TMEM67: variants seen among roughly 807,000 people sequenced by gnomAD.
The protein encoded by TMEM67 is meckelin.
Under a neutral mutation model 136.6 loss-of-function variants are expected in TMEM67, and 124 were observed. The observed-to-expected ratio is 0.91, with a 90% CI of 0.78 to 1.05. TMEM67 has a LOEUF of 1.05. Ranked by LOEUF, TMEM67 falls within the 50% of genes least tolerant of loss-of-function variation. The probability of loss-of-function intolerance (pLI) is 0.00; values close to 1 mark genes in which losing one functional copy is unlikely to be tolerated. For missense variants in TMEM67, 1,107 were observed against 1,178.4 expected, an observed-to-expected ratio of 0.94 and a Z score of 0.89; for synonymous variants, 364 against 390.5, an observed-to-expected ratio of 0.93 and a Z score of 0.80.
chr8:93,803,535 A>T, intron 21 of TMEM67, 69 bp from the exon 22 acceptor site: 1 of 1,018,186 alleles, frequency 9.8e-7, no homozygotes, highest in Non-Finnish European at 1.6e-6. Flanking sequence ...TTAAGATGCT[A>T]CACTGTGGCT....
intron 2 of TMEM67, chr8:93,757,213 G>A (rs1407619611): frequency 6.6e-6 from 1 of 152,032 alleles, no homozygotes; most frequent in Non-Finnish European, 1.5e-5. Flanking sequence ...AAAATAATTT[G>A]TGGCATTATT....
Position 93,795,920 on chromosome 8 carries a change from T to C in TMEM67, c.1793T>C (p.Val598Ala). 6.2e-7 allele frequency: 1 copy of C among 1,610,162 alleles called. No homozygotes were observed. ...IFFKAQKSVS[V>A]LLPMPIQEER... ...TTATAGGCACAGAAGTCTGTGTCTG[T>C]TTTGCTGCCAATGCCAATTCAGGAA... The change falls in exon 18 of 28, where the codon GTT becomes GCT. Residue 598 changes from valine (V) to alanine (A), a missense_variant. Around this residue, in one of 3 missense-constraint regions of TMEM67, gnomAD observed 925 missense variants for 1,002.4 expected, o/e 0.92. Transcript: ENST00000453321.
chr8:93,802,773 GTATGT>G (rs1814923448), intron 21 of TMEM67, among the ~76,000 whole-genome samples: 1 of 152,156 alleles, frequency 6.6e-6, no homozygotes, highest in African/African-American at 2.4e-5. Flanking sequence ...TGTATATAGA[GTATGT>G]AGGAAAACAT....
intron 26 of TMEM67, among the ~76,000 whole-genome samples, chr8:93,814,427 T>C (rs1226665371): frequency 1.3e-5 from 2 of 150,416 alleles, no homozygotes; most frequent in East Asian, 1.9e-4. Flanking sequence ...TTTTTTTTTT[T>C]CCTAATGGAA....
intron 10 of TMEM67, among the ~76,000 whole-genome samples, chr8:93,781,958 A>C (rs890912211): frequency 6.7e-6 from 1 of 150,228 alleles, no homozygotes; most frequent in Non-Finnish European, 1.5e-5. Context: ...TCGCTTTCTT[A>C]ACCAGGCTGG....
chr8:93,758,344 A>G (rs1586336068), intron 2 of TMEM67, 139 bp from the exon 3 acceptor site: 1 of 640,686 alleles, frequency 1.6e-6, no homozygotes, highest in Non-Finnish European at 2.7e-6. Flanking sequence ...TCTCCAGGGA[A>G]TTTTTATGTG....
intron 11 of TMEM67, among the ~76,000 whole-genome samples, chr8:93,783,251 G>T (rs1277092935): frequency 6.6e-6 from 1 of 152,188 alleles, no homozygotes; most frequent in African/African-American, 2.4e-5. Context: ...CTCCCAAAGT[G>T]CTGGGATTAC....
At chr8:93,771,324 CT>C (rs1435603770) in intron 6 of TMEM67, among the ~76,000 whole-genome samples, 2 of 151,242 alleles carry the variant, frequency 1.3e-5, no homozygotes, top group Non-Finnish European at 1.5e-5. Context: ...AATCTGTTAA[CT>C]TTTTTTATTC....
Position 93,816,551 on chromosome 8 carries a change from G to GACTA in TMEM67, c.*100_*103dup. The GACTA allele has an allele frequency of 1.6e-6, 1 of 629,844 alleles. No homozygotes were observed. The highest frequency in any genetic ancestry group is 2.9e-6 in the Non-Finnish European group (1 of 348,050). The allele number at this position is 629,844 out of a possible 1,614,324, so 39.0% of individuals were successfully genotyped here. A position where few individuals can be genotyped will look rare whatever the true frequency, so the allele number is the denominator to read the frequency against. On this transcript the variant is annotated 3_prime_UTR_variant, in exon 28 of 28. Coordinates refer to ENST00000453321, the MANE Select transcript of TMEM67 (RefSeq NM_153704.6). ...CATATTTTTTAAAACTTATAATGCA[G>GACTA]ACTATTCTGTTTTTGTTTTTTATTT... is the stretch of plus-strand genomic sequence containing the variant.
chr8:93,777,955 T>A (rs1420702470), intron 7 of TMEM67, among the ~76,000 whole-genome samples: 1 of 152,190 alleles, frequency 6.6e-6, no homozygotes, highest in Non-Finnish European at 1.5e-5. Flanking sequence ...CAGTGGGGTG[T>A]TAAAGTCTCC....
chr8:93,772,536 T>C, intron 6 of TMEM67, 53 bp from the exon 7 acceptor site: 1 of 1,260,892 alleles, frequency 7.9e-7, no homozygotes, highest in South Asian at 1.2e-5. Flanking sequence ...TTCAACAATA[T>C]GCATATTGGA....
chr8:93,788,033 CTTTTTTT>C, intron 14 of TMEM67, 84 bp downstream of exon 14: 1 of 777,230 alleles, frequency 1.3e-6, no homozygotes, highest in African/African-American at 1.9e-5. Flanking sequence ...AAAAGACAGT[CTTTTTTT>C]TTTTTTTAAG....
In TMEM67 at chr8:93,797,625, G is replaced by A. The variant is rs145816045; in HGVS notation, c.2100+155G>A. ...TTAAAAAGGAGTACCTTTATGTTAC[G>A]TATTTTACCACAATTCTTTTTTTAA... is the stretch of plus-strand genomic sequence containing the variant. On this transcript the variant is annotated intron_variant, in intron 20 of 27. Coordinates refer to ENST00000453321, the MANE Select transcript of TMEM67 (RefSeq NM_153704.6). 6.5e-4 allele frequency among the ~76,000 whole-genome samples: 99 copies of A among 152,264 alleles called. 1 individual carries two copies. In the East Asian group the frequency reaches 0.012, roughly 19 times the overall value.
At chr8:93,762,343 T>C (rs1812881833) in intron 3 of TMEM67, among the ~76,000 whole-genome samples, 2 of 151,098 alleles carry the variant, frequency 1.3e-5, no homozygotes, top group African/African-American at 4.9e-5. Flanking sequence ...TCTTTACCTT[T>C]TTTTTTTTTT....
intron 15 of TMEM67, among the ~76,000 whole-genome samples, 197 bp from the exon 16 acceptor site, chr8:93,793,001 G>A (rs191426904): frequency 5.3e-5 from 8 of 151,610 alleles, no homozygotes; most frequent in Non-Finnish European, 1.0e-4. Flanking sequence ...TTGATCTCCT[G>A]ACCTCATGAT....
chr8:93,781,954 T>A (rs1016156768), intron 10 of TMEM67, among the ~76,000 whole-genome samples: 1 of 152,118 alleles, frequency 6.6e-6, no homozygotes, highest in Admixed American at 6.5e-5. Context: ...AGTCTCGCTT[T>A]CTTAACCAGG....
Position 93,776,197 on chromosome 8 carries a change from T to C in TMEM67, c.714+3546T>C, listed in dbSNP as rs368935372. On this transcript the variant is annotated intron_variant, in intron 7 of 27. Coordinates refer to ENST00000453321, the MANE Select transcript of TMEM67 (RefSeq NM_153704.6). ...AGGAATGCTTGTGATTTTTGCACAT[T>C]GATTTTGTATCCTAAGACTGCTGAA... 3.9e-5 allele frequency among the ~76,000 whole-genome samples: 6 copies of C among 152,232 alleles called. No individual in the cohort carries two copies. In the East Asian group the frequency reaches 1.2e-3, roughly 29 times the overall value.
At chr8:93,812,683 C>G (rs1808747777) in intron 26 of TMEM67, among the ~76,000 whole-genome samples, 1 of 152,150 alleles carries the variant, frequency 6.6e-6, no homozygotes, top group Non-Finnish European at 1.5e-5. Flanking sequence ...ATATAAAGAA[C>G]CCAGTAAAGT....
In TMEM67 at chr8:93,786,125, GTT is replaced by G; in HGVS notation, c.1289-96_1289-95del. The G allele has an allele frequency of 9.2e-6, 11 of 1,191,378 alleles. No homozygotes were observed. In the South Asian group the frequency reaches 1.4e-4, roughly 15 times the overall value. 73.8% of individuals were successfully genotyped at this position (1,191,378 alleles called of 1,614,324 possible). A position where few individuals can be genotyped will look rare whatever the true frequency, so the allele number is the denominator to read the frequency against. On this transcript the variant is annotated intron_variant, in intron 12 of 27. Coordinates refer to ENST00000453321, the MANE Select transcript of TMEM67 (RefSeq NM_153704.6). ...GAGTTAGAGAACGCCATTGTCAGGT[GTT>G]TCTTATACTAGTAGCTTTTTGCAGC...
Sources: allele counts gnomAD v4.1 joint callset (sites outside exome capture counted in the v4.1 genomes callset), GRCh38; gene constraint gnomAD v4.1.1; regional missense constraint gnomAD v4.1.1; transcripts MANE v1.5; gene names NCBI Gene and HGNC (gene_info 2026-07-23, HGNC 2026-07-21).